CTTNBP2NL: variants seen among roughly 807,000 people sequenced by gnomAD.
The protein encoded by CTTNBP2NL is CTTNBP2 N-terminal-like protein.
Under a neutral mutation model 32.5 loss-of-function variants are expected in CTTNBP2NL, and 16 were observed. The observed-to-expected ratio is 0.49, with a 90% CI of 0.33 to 0.75. The LOEUF is 0.75. Among genes scored for constraint, CTTNBP2NL ranks in the 30% least tolerant of loss-of-function variants. The probability of loss-of-function intolerance (pLI) is 0.02; values close to 1 mark genes in which losing one functional copy is unlikely to be tolerated. For synonymous variants in CTTNBP2NL, 298 were observed against 289.4 expected (o/e 1.03, Z -0.30); for missense variants, 645 against 756.0 (o/e 0.85, Z 1.72).
chr1:112,408,914 G>A (rs1570716953), intron 1 of CTTNBP2NL, among the ~76,000 whole-genome samples: 3 of 152,152 alleles, frequency 2.0e-5, no homozygotes, highest in African/African-American at 7.2e-5. Context: ...ATCACTTGAG[G>A]TCAGGAGTTC....
At chr1:112,413,428 A>G (rs952239813) in intron 2 of CTTNBP2NL, among the ~76,000 whole-genome samples, 1 of 152,206 alleles carries the variant, frequency 6.6e-6, no homozygotes, top group Non-Finnish European at 1.5e-5. Flanking sequence ...GGTATCAGCA[A>G]TGTGGTAAGA....
At chr1:112,422,655 T>C (rs1054669884) in intron 3 of CTTNBP2NL, among the ~76,000 whole-genome samples, 3 of 152,260 alleles carry the variant, frequency 2.0e-5, no homozygotes, top group Admixed American at 1.3e-4. Flanking sequence ...AGCCAATCTT[T>C]TTCATTTTAG....
chr1:112,451,069 T>C (rs908184231), intron 4 of CTTNBP2NL, among the ~76,000 whole-genome samples: 1 of 152,028 alleles, frequency 6.6e-6, no homozygotes, highest in African/African-American at 2.4e-5. Context: ...AAAAACAGTT[T>C]TCTATTCCAC....
At chr1:112,392,079 T>C (rs1484589296), upstream of CTTNBP2NL, among the ~76,000 whole-genome samples, 1 of 152,204 alleles carries the variant, frequency 6.6e-6, no homozygotes, top group Non-Finnish European at 1.5e-5. Flanking sequence ...AAATATTCTA[T>C]AAATCAAAAT....
chr1:112,452,375 A>T (rs1432730382), intron 4 of CTTNBP2NL, among the ~76,000 whole-genome samples: 7 of 102,782 alleles, frequency 6.8e-5, no homozygotes, highest in African/African-American at 2.2e-4. Context: ...ACAGAGTTTC[A>T]CTCTTGTTGC....
At chr1:112,409,219 A>G (rs988392652) in intron 1 of CTTNBP2NL, among the ~76,000 whole-genome samples, 7 of 152,096 alleles carry the variant, frequency 4.6e-5, no homozygotes, top group African/African-American at 1.7e-4. Flanking sequence ...TTTGCTCACC[A>G]ATACTAAAAA....
intron 1 of CTTNBP2NL, among the ~76,000 whole-genome samples, chr1:112,399,549 G>C (rs1392474384): frequency 6.6e-6 from 1 of 152,078 alleles, no homozygotes; most frequent in Non-Finnish European, 1.5e-5. Context: ...TTGTATCTTG[G>C]CAGAATCACA....
Position 112,456,380 on chromosome 1 carries a change from G to A in CTTNBP2NL, c.888G>A (p.Val296=). 1 of 1,614,120 alleles carries A rather than the reference G, an allele frequency of 6.2e-7. No individual in the cohort carries two copies. The highest frequency in any genetic ancestry group is 1.1e-5 in the South Asian group (1 of 91,088). The change falls in exon 6 of 6, where the codon GTG becomes GTA. Residue 296 remains valine (V), a synonymous_variant. Transcript: ENST00000271277. ...PNEQLKKPVT[V]SKGTATEPLM... is the part of the protein sequence containing the mutation. ...AGCAATTGAAGAAACCAGTAACCGTGTCCAAAGGCACAGCAACTGAGCCTC... is the reference window on the plus strand; with the variant it reads ...AGCAATTGAAGAAACCAGTAACCGTATCCAAAGGCACAGCAACTGAGCCTC...
Position 112,459,130 on chromosome 1 carries a change from G to A in CTTNBP2NL, c.*1718G>A, listed in dbSNP as rs59467877. ...TAAATGGTGCTGGTTAAACAAACAC[G>A]TCTGCAGCTGGATTTAGCTTGCAAG... is the stretch of plus-strand genomic sequence containing the variant. On this transcript the variant is annotated 3_prime_UTR_variant, in exon 6 of 6. Transcript: ENST00000271277. 2 of 152,126 alleles carry A rather than the reference G, an allele frequency of 1.3e-5. No homozygotes were observed. Among genetic ancestry groups the A allele is most frequent in the African/African-American group, 2.4e-5 (1 of 41,404 alleles). The allele number at this position is 152,126 out of a possible 1,614,324, so 9.4% of individuals were successfully genotyped here.
intron 1 of CTTNBP2NL, among the ~76,000 whole-genome samples, chr1:112,408,924 C>G (rs1648769926): frequency 6.6e-6 from 1 of 152,022 alleles, no homozygotes; most frequent in African/African-American, 2.4e-5. Context: ...GTCAGGAGTT[C>G]AAGACCAGCC....
chr1:112,430,120 T>C (rs867363833), intron 3 of CTTNBP2NL, among the ~76,000 whole-genome samples: 2 of 152,212 alleles, frequency 1.3e-5, no homozygotes, highest in South Asian at 4.1e-4. Flanking sequence ...ATGTCTTTGC[T>C]CCATTCAGAA....
At chr1:112,427,427 G>T (rs938884814) in intron 3 of CTTNBP2NL, among the ~76,000 whole-genome samples, 2 of 152,154 alleles carry the variant, frequency 1.3e-5, no homozygotes, top group African/African-American at 4.8e-5. Flanking sequence ...TTCAGGGTTT[G>T]TTTCTTTTAC....
upstream of CTTNBP2NL, among the ~76,000 whole-genome samples, chr1:112,393,048 G>A (rs2100983905): frequency 6.6e-6 from 1 of 152,190 alleles, no homozygotes; most frequent in South Asian, 2.1e-4. Context: ...AGTAGAGACG[G>A]GGTTTCACCA....
chr1:112,393,814 C>T (rs1398952696), upstream of CTTNBP2NL, among the ~76,000 whole-genome samples: 1 of 152,164 alleles, frequency 6.6e-6, no homozygotes, highest in East Asian at 1.9e-4. Flanking sequence ...TTGCCCATTG[C>T]TCTAAAGGAA....
intron 3 of CTTNBP2NL, among the ~76,000 whole-genome samples, chr1:112,422,608 A>G (rs1649265002): frequency 6.6e-6 from 1 of 152,222 alleles, no homozygotes; most frequent in Non-Finnish European, 1.5e-5. Flanking sequence ...TTCCACAGAT[A>G]TATCCAGTTG....
intron 5 of CTTNBP2NL, 106 bp downstream of exon 5, chr1:112,454,662 G>A (rs1650314310): frequency 1.2e-6 from 1 of 835,434 alleles, no homozygotes; most frequent in Non-Finnish European, 2.0e-6. Context: ...GGGCTTTGTG[G>A]TCAAATAAGT....
At chr1:112,455,650 A>G (rs1035522778) in intron 5 of CTTNBP2NL, among the ~76,000 whole-genome samples, 1 of 152,200 alleles carries the variant, frequency 6.6e-6, no homozygotes, top group African/African-American at 2.4e-5. Flanking sequence ...TCTTGTTTTG[A>G]TTGGTTCTGA....
chr1:112,448,225 G>C (rs1276781992), intron 3 of CTTNBP2NL, among the ~76,000 whole-genome samples: 1 of 152,174 alleles, frequency 6.6e-6, no homozygotes, highest in East Asian at 1.9e-4. Context: ...CAAGAAGAGG[G>C]GGTGGAATTT....
Position 112,456,429 on chromosome 1 carries a change from C to G in CTTNBP2NL, c.937C>G (p.Gln313Glu). The change falls in exon 6 of 6, where the codon CAA becomes GAA. Residue 313 changes from glutamine to glutamate, a missense_variant. Coordinates refer to ENST00000271277, the MANE Select transcript of CTTNBP2NL (RefSeq NM_018704.3). ...TCTCATGCTAATGTCTGTGTTTTGCCAAACAGAGAGTTTTCCAGCAGAAAG... is the reference window on the plus strand; with the variant it reads ...TCTCATGCTAATGTCTGTGTTTTGCGAAACAGAGAGTTTTCCAGCAGAAAG... The part of the protein sequence containing the change: ...EPLMLMSVFC[Q>E]TESFPAERTH... 1 of 1,614,030 alleles carries G rather than the reference C, an allele frequency of 6.2e-7. No individual in the cohort carries two copies. The highest frequency in any genetic ancestry group is 1.3e-5 in the African/African-American group (1 of 75,006).
Sources: gnomAD v4.1 joint callset for allele counts (sites outside exome capture counted in the v4.1 genomes callset) on GRCh38, gnomAD v4.1.1 for gene constraint, MANE v1.5 for transcripts, NCBI Gene and HGNC (gene_info 2026-07-23, HGNC 2026-07-21) for gene names.